The following RCAN2 variants were observed in gnomAD, a reference collection of about 807,000 sequenced individuals.
RCAN2 encodes the protein regulator of calcineurin 2, also known as calcipressin-2.
A neutral mutation model predicts 23.6 loss-of-function variants in RCAN2; 9 were observed. That is an observed-to-expected ratio of 0.38 (90% CI 0.23 to 0.67). The LOEUF is 0.67. RCAN2 is among the 30% of genes least tolerant of loss of function. RCAN2 has a pLI of 0.51. For missense variants in RCAN2, 273 were observed against 302.3 expected (o/e 0.90, Z 0.72); for synonymous variants, 109 against 115.7 (o/e 0.94, Z 0.37).
chr6:46,232,403 A>T (rs912112419), intron 4 of RCAN2, among the ~76,000 whole-genome samples: 2 of 152,204 alleles, frequency 1.3e-5, no homozygotes, highest in African/African-American at 2.4e-5. Context: ...TGAGGGTTGT[A>T]TCAAAGGCTC....
At chr6:46,291,101 C>A (rs1406574160) in intron 2 of RCAN2, among the ~76,000 whole-genome samples, 1 of 152,008 alleles carries the variant, frequency 6.6e-6, no homozygotes, top group Non-Finnish European at 1.5e-5. Context: ...GAGTACTTTG[C>A]CAAGGTCTAG....
chr6:46,306,557 G>C (rs1763075467), intron 2 of RCAN2, among the ~76,000 whole-genome samples: 1 of 152,152 alleles, frequency 6.6e-6, no homozygotes, highest in African/African-American at 2.4e-5. Context: ...TTGAAAGTCA[G>C]CTCTCTCTAG....
intron 2 of RCAN2, chr6:46,325,565 C>A: frequency 6.4e-7 from 1 of 1,569,314 alleles, no homozygotes; most frequent in South Asian, 1.2e-5. Flanking sequence ...ATTGCTGTGG[C>A]CAGGCCTCGG....
intron 2 of RCAN2, among the ~76,000 whole-genome samples, chr6:46,455,950 T>A (rs372041828): frequency 6.6e-6 from 1 of 151,160 alleles, no homozygotes; most frequent in East Asian, 1.9e-4. Context: ...AGTAGTATAA[T>A]AGTGGCTTTT....
At chr6:46,427,461 A>G (rs201418629) in intron 2 of RCAN2, among the ~76,000 whole-genome samples, 5 of 152,206 alleles carry the variant, frequency 3.3e-5, no homozygotes, top group East Asian at 1.9e-4. Flanking sequence ...AAGATTATAC[A>G]TGTAAAATAA....
At chr6:46,291,838 G>C (rs537458812) in intron 2 of RCAN2, among the ~76,000 whole-genome samples, 35 of 152,162 alleles carry the variant, frequency 2.3e-4, no homozygotes, top group African/African-American at 8.2e-4. Flanking sequence ...GTATAAAGTG[G>C]CACATGTACT....
intron 2 of RCAN2, among the ~76,000 whole-genome samples, chr6:46,454,654 AT>A (rs776109137): frequency 2.0e-5 from 3 of 152,218 alleles, no homozygotes; most frequent in Non-Finnish European, 4.4e-5. Flanking sequence ...GATCTAAATC[AT>A]TTGAAACTGA....
chr6:46,480,086 C>T (rs536276453), intron 1 of RCAN2, among the ~76,000 whole-genome samples: 2 of 152,254 alleles, frequency 1.3e-5, no homozygotes, highest in African/African-American at 4.8e-5. Flanking sequence ...CATTATAAAG[C>T]GGGCCCCACA....
chr6:46,243,809 C>CAAAAAAAAAAAAAA (rs376524527), intron 4 of RCAN2, among the ~76,000 whole-genome samples: 3 of 55,026 alleles, frequency 5.5e-5, no homozygotes, highest in Non-Finnish European at 9.1e-5. Flanking sequence ...GATTCTGTCT[C>CAAAAAAAAAAAAAA]AAAAAAAAAA....
At chr6:46,298,273 C>A (rs1168754501) in intron 2 of RCAN2, among the ~76,000 whole-genome samples, 1 of 152,044 alleles carries the variant, frequency 6.6e-6, no homozygotes, top group African/African-American at 2.4e-5. Context: ...CCAAAAGTCA[C>A]CCGTAGTTGT....
intron 1 of RCAN2, among the ~76,000 whole-genome samples, chr6:46,468,563 CAT>C (rs961930542): frequency 7.2e-5 from 11 of 152,352 alleles, no homozygotes; most frequent in Admixed American, 1.3e-4. Flanking sequence ...CCCGTCTGCA[CAT>C]GTGTTGTTAT....
At chr6:46,382,807 G>C (rs1455839309) in intron 2 of RCAN2, among the ~76,000 whole-genome samples, 2 of 152,144 alleles carry the variant, frequency 1.3e-5, no homozygotes, top group Non-Finnish European at 2.9e-5. Flanking sequence ...AAACCGGTTT[G>C]TTTGCTTATT....
rs1234760010 is a variant in RCAN2 at position 46,475,150 on chromosome 6, TG to T, written c.-3+16022del. Among the ~76,000 whole-genome samples the T allele has an allele frequency of 2.0e-5, 3 of 152,068 alleles. No homozygotes were observed. The East Asian group carries it at 5.8e-4, about 29-fold the overall frequency. Reference sequence around the variant, plus strand: ...GGTCACTTGGAAATTAGGTTGGAGGTGAGGTCCTTCTGCACATGACTCAGGG... The same window carrying T: ...GGTCACTTGGAAATTAGGTTGGAGGTAGGTCCTTCTGCACATGACTCAGGG... On this transcript the variant is annotated intron_variant, in intron 1 of 4. Coordinates refer to ENST00000371374, the MANE Select transcript of RCAN2 (RefSeq NM_001251974.2).
intron 2 of RCAN2, among the ~76,000 whole-genome samples, chr6:46,327,741 G>A (rs193059866): frequency 6.6e-6 from 1 of 152,198 alleles, no homozygotes; most frequent in African/African-American, 2.4e-5. Context: ...TCTCTGAAAA[G>A]AAACATTTCA....
chr6:46,469,006 T>C (rs1395053962), intron 1 of RCAN2, among the ~76,000 whole-genome samples: 1 of 152,180 alleles, frequency 6.6e-6, no homozygotes, highest in Admixed American at 6.5e-5. Context: ...TCTTTTTATA[T>C]CCATTTATTG....
intron 2 of RCAN2, among the ~76,000 whole-genome samples, chr6:46,266,225 AT>A (rs1435724487): frequency 6.6e-6 from 1 of 152,194 alleles, no homozygotes; most frequent in African/African-American, 2.4e-5. Flanking sequence ...GAATAAACTG[AT>A]TTATACAATT....
At chr6:46,334,118 A>G (rs964505329) in intron 2 of RCAN2, among the ~76,000 whole-genome samples, 4 of 152,214 alleles carry the variant, frequency 2.6e-5, no homozygotes, top group Admixed American at 1.3e-4. Context: ...GTCTCTGCTT[A>G]AATGTCCCTC....
intron 2 of RCAN2, among the ~76,000 whole-genome samples, chr6:46,336,336 G>T (rs1049967402): frequency 2.0e-5 from 3 of 152,210 alleles, no homozygotes; most frequent in Non-Finnish European, 2.9e-5. Context: ...AGCAAGGCAG[G>T]TGCTAAAGGG....
intron 2 of RCAN2, among the ~76,000 whole-genome samples, chr6:46,299,319 C>G (rs1168940101): frequency 1.3e-5 from 2 of 152,026 alleles, no homozygotes; most frequent in African/African-American, 4.8e-5. Context: ...ATTTCAAGAG[C>G]ACCAGTACTG....
Sources: allele counts gnomAD v4.1 joint callset (sites outside exome capture counted in the v4.1 genomes callset), GRCh38; gene constraint gnomAD v4.1.1; transcripts MANE v1.5; gene names NCBI Gene and HGNC (gene_info 2026-07-23, HGNC 2026-07-21).